Variants in ENKUR observed in about 807,000 individuals in gnomAD.
ENKUR encodes the protein enkurin, TRPC channel interacting protein, also known as enkurin.
In ENKUR, 19 loss-of-function variants were observed where a neutral mutation model predicts 27.6. The observed-to-expected ratio is 0.69, with a 90% CI of 0.48 to 1.01. The LOEUF (loss-of-function observed/expected upper bound fraction) is 1.01, where lower values mean the gene tolerates loss of function less well. Among genes scored for constraint, ENKUR ranks in the 50% least tolerant of loss-of-function variants. The pLI is 0.00. For synonymous variants in ENKUR, 117 were observed against 96.9 expected, an observed-to-expected ratio of 1.21 and a Z score of -1.22; for missense variants, 312 against 310.5, an observed-to-expected ratio of 1.00 and a Z score of -0.04.
chr10:24,998,280 TTTC>T (rs1302035199), intron 2 of ENKUR, among the ~76,000 whole-genome samples: 2 of 151,888 alleles, frequency 1.3e-5, no homozygotes, highest in Non-Finnish European at 2.9e-5. Flanking sequence ...TCTTTTTTCT[TTTC>T]TTTTCTTTTC....
intron 1 of ENKUR, among the ~76,000 whole-genome samples, chr10:25,003,379 G>C (rs2132703956): frequency 6.6e-6 from 1 of 152,122 alleles, no homozygotes; most frequent in African/African-American, 2.4e-5. Flanking sequence ...GCTAATTTTT[G>C]TATTTTTAGT....
intron 4 of ENKUR, among the ~76,000 whole-genome samples, chr10:24,987,379 G>T (rs1027126611): frequency 1.3e-5 from 2 of 152,046 alleles, no homozygotes; most frequent in South Asian, 2.1e-4. Context: ...GCTCATGCCT[G>T]CAATCCCAAC....
chr10:25,055,402 C>A (rs762188822), intron 2 of ENKUR, among the ~76,000 whole-genome samples: 1 of 152,012 alleles, frequency 6.6e-6, no homozygotes. Flanking sequence ...TAAAGGCCTG[C>A]ATTCTGGGCA....
intron 2 of ENKUR, among the ~76,000 whole-genome samples, chr10:25,041,680 C>A (rs571780608): frequency 6.6e-6 from 1 of 152,110 alleles, no homozygotes; most frequent in Admixed American, 6.6e-5. Flanking sequence ...TCTGTCATCC[C>A]CATTCTTATG....
At chr10:25,061,358 G>A (rs1187482377) in exon 2 of ENKUR, 1 of 569,814 alleles carries the variant, frequency 1.8e-6, no homozygotes, top group Non-Finnish European at 3.1e-6. Context: ...GTTCCATTTT[G>A]CTTCATGGGC....
intron 3 of ENKUR, 60 bp downstream of exon 3, chr10:24,995,586 T>C (rs1196612569): frequency 7.1e-7 from 1 of 1,412,020 alleles, no homozygotes; most frequent in Non-Finnish European, 9.8e-7. Flanking sequence ...ATGATCATCA[T>C]GAACACCATA....
At chr10:25,018,337 G>T (rs757939956), upstream of ENKUR, among the ~76,000 whole-genome samples, 3 of 152,104 alleles carry the variant, frequency 2.0e-5, no homozygotes, top group African/African-American at 7.2e-5. Flanking sequence ...TGTGTCCACC[G>T]CATGTCCACA....
rs1366489618 is a variant in ENKUR, at chr10:24,988,242, A to ATATATATATGTGTATATATATATT, written c.594+2197_594+2220dup. Among the ~76,000 whole-genome samples the ATATATATATGTGTATATATATATT allele has an allele frequency of 4.5e-3, 653 of 145,040 alleles. 4 individuals carry two copies. Among genetic ancestry groups the ATATATATATGTGTATATATATATT allele is most frequent in the Middle Eastern group, 0.018 (5 of 276 alleles). On this transcript the variant is annotated intron_variant, in intron 4 of 5. Transcript: ENST00000331161. ...TCATCTCAAAAAAAAATGTATATAT[A>ATATATATATGTGTATATATATATT]TATATATATGTGTATATATATATTT...
At chr10:25,027,248 C>T (rs999175510) in intron 2 of ENKUR, among the ~76,000 whole-genome samples, 4 of 145,364 alleles carry the variant, frequency 2.8e-5, no homozygotes, top group East Asian at 2.1e-4. Flanking sequence ...CCCAGCTAGT[C>T]GGGAGGCTGA....
At chr10:25,041,266 T>C (rs1327251885) in intron 2 of ENKUR, among the ~76,000 whole-genome samples, 1 of 152,208 alleles carries the variant, frequency 6.6e-6, no homozygotes. Context: ...ATTCAGATCA[T>C]TGTTTCCTTG....
At chr10:25,017,792 C>A (rs765500688), upstream of ENKUR, among the ~76,000 whole-genome samples, 1 of 152,078 alleles carries the variant, frequency 6.6e-6, no homozygotes, top group South Asian at 2.1e-4. Context: ...CCTTTCTTTT[C>A]GCCCTTGAGT....
At chr10:25,023,692 C>T in intron 2 of ENKUR, 1 of 1,613,916 alleles carries the variant, frequency 6.2e-7, no homozygotes, top group Non-Finnish European at 8.5e-7. Flanking sequence ...CCTGGATGTA[C>T]CTCTACTAGA....
intron 2 of ENKUR, chr10:25,021,870 GGAAAT>G (rs1850725638): frequency 6.6e-6 from 1 of 152,058 alleles, no homozygotes; most frequent in Non-Finnish European, 1.5e-5. Context: ...AGTCAAATAA[GGAAAT>G]GAATTACCTC....
chr10:25,060,051 T>C (rs1322522160), intron 2 of ENKUR, among the ~76,000 whole-genome samples: 2 of 152,158 alleles, frequency 1.3e-5, no homozygotes, highest in East Asian at 3.9e-4. Context: ...TTGTCTAATA[T>C]ATGCAACCCT....
At chr10:24,988,680 A>G (rs1157193280) in intron 4 of ENKUR, among the ~76,000 whole-genome samples, 13 of 3,464 alleles carry the variant, frequency 3.8e-3, no homozygotes, top group African/African-American at 0.012. Context: ...ATATATATAT[A>G]TATATATATA....
rs1057039903 is a variant in ENKUR, at chr10:25,059,214, C to A, written c.37+1898G>T. Among the ~76,000 whole-genome samples the A allele has an allele frequency of 2.0e-5, 3 of 149,562 alleles. No individual in the cohort carries two copies. The Admixed American group carries it at 2.0e-4, about 10-fold the overall frequency. On this transcript the variant is annotated intron_variant, in intron 2 of 5. Coordinates refer to the ENKUR transcript ENST00000615958. ...ATGGCGCAATCTCTGGTCACTGCAA[C>A]CTCTGCCTCCCAGGTTCAAGCGATT... is the stretch of plus-strand genomic sequence containing the variant.
intron 2 of ENKUR, among the ~76,000 whole-genome samples, chr10:25,037,175 A>G (rs1124017): frequency 0.29 from 44,602 of 152,124 alleles, 7,160 homozygotes; most frequent in East Asian, 0.5. Flanking sequence ...TCTGAAAGCT[A>G]TGAGGTGTCA....
At chr10:25,049,563 A>T (rs573211062) in intron 2 of ENKUR, among the ~76,000 whole-genome samples, 2 of 152,216 alleles carry the variant, frequency 1.3e-5, no homozygotes, top group African/African-American at 4.8e-5. Flanking sequence ...TGAAGCAGGC[A>T]GATCACCTGA....
chr10:25,036,145 C>T (rs913932454), intron 2 of ENKUR, among the ~76,000 whole-genome samples: 4 of 152,174 alleles, frequency 2.6e-5, no homozygotes, highest in African/African-American at 9.7e-5. Context: ...CAAATCTCAT[C>T]TTGAATTTTA....
Sources: allele counts gnomAD v4.1 joint callset (sites outside exome capture counted in the v4.1 genomes callset), GRCh38; gene constraint gnomAD v4.1.1; transcripts MANE v1.5; gene names NCBI Gene and HGNC (gene_info 2026-07-23, HGNC 2026-07-21).